The following ATP11A variants were observed in gnomAD, a reference collection of about 807,000 sequenced individuals.
ATP11A encodes phospholipid-transporting ATPase IH.
A neutral mutation model predicts 154.4 loss-of-function variants in ATP11A; 81 were observed. That is an observed-to-expected ratio of 0.52 (90% CI 0.44 to 0.63). The LOEUF is 0.63. Among genes scored for constraint, ATP11A ranks in the 30% least tolerant of loss-of-function variants. ATP11A has a pLI of 0.00. For synonymous variants in ATP11A, 623 were observed against 585.9 expected (o/e 1.06, Z -0.91); for missense variants, 1,316 against 1,474.3 (o/e 0.89, Z 1.76).
chr13:112,690,302 G>C lies in ATP11A; in HGVS notation c.-115G>C. On this transcript the variant is annotated 5_prime_UTR_variant, in exon 1 of 30. Transcript: ENST00000375645. The surrounding 1 kb of genome is among the most constrained non-coding windows in gnomAD (Gnocchi z 5.6). ...GGCCGCCCCCTGCACCGCCCGGCGCGCCGAGGCCGTGACCGGAGCGGGGGG... is the reference window on the plus strand; with the variant it reads ...GGCCGCCCCCTGCACCGCCCGGCGCCCCGAGGCCGTGACCGGAGCGGGGGG... 1.3e-6 allele frequency: 1 copy of C among 768,566 alleles called. No homozygotes were observed. The highest frequency in any genetic ancestry group is 6.0e-5 in the South Asian group (1 of 16,692). 47.6% of individuals were successfully genotyped at this position (768,566 alleles called of 1,614,324 possible).
intron 27 of ATP11A, among the ~76,000 whole-genome samples, chr13:112,874,897 G>A (rs1055509476): frequency 6.6e-6 from 1 of 152,290 alleles, no homozygotes; most frequent in Middle Eastern, 3.4e-3. Flanking sequence ...CAGCTCCTGG[G>A]CTTTGTAGCC....
chr13:112,719,363 T>C (rs769248867), intron 1 of ATP11A, among the ~76,000 whole-genome samples: 39 of 152,258 alleles, frequency 2.6e-4, no homozygotes, highest in Non-Finnish European at 5.0e-4. Context: ...TTCAATCTTC[T>C]GTTCATGACT....
chr13:112,738,691 G>A (rs1358320490), intron 1 of ATP11A, among the ~76,000 whole-genome samples: 2 of 152,014 alleles, frequency 1.3e-5, no homozygotes, highest in Non-Finnish European at 2.9e-5. Flanking sequence ...TTCTGCTGCC[G>A]GTATGCCCCC....
At chr13:112,732,495 T>C (rs1890591819) in intron 1 of ATP11A, among the ~76,000 whole-genome samples, 2 of 152,218 alleles carry the variant, frequency 1.3e-5, no homozygotes, top group Admixed American at 1.3e-4. Flanking sequence ...TCCAGCTCCA[T>C]CTCTCTCCAG....
chr13:112,833,080 A>T, intron 14 of ATP11A, 57 bp downstream of exon 14: 2 of 1,566,920 alleles, frequency 1.3e-6, no homozygotes, highest in Non-Finnish European at 1.7e-6. Flanking sequence ...GCCCCTCCCC[A>T]GCCCCAGTCA....
In ATP11A at chr13:112,883,910, ATTAT is replaced by A. The variant is rs1250257101; in HGVS notation, c.*2047_*2050del. On this transcript the variant is annotated 3_prime_UTR_variant, in exon 30 of 30. Coordinates refer to ENST00000375645, the MANE Select transcript of ATP11A (RefSeq NM_015205.3). Reference sequence around the variant, plus strand: ...GATTCTCTGTATGTTCAGTTAACAAATTATTTGTAATGTATTTTTTTAGAAATCT... The same window carrying A: ...GATTCTCTGTATGTTCAGTTAACAAATTGTAATGTATTTTTTTAGAAATCT... 1 of 152,638 alleles carries A rather than the reference ATTAT, an allele frequency of 6.6e-6. No homozygotes were observed. The highest frequency in any genetic ancestry group is 1.5e-5 in the Non-Finnish European group (1 of 68,050). The allele number at this position is 152,638 out of a possible 1,614,324, so 9.5% of individuals were successfully genotyped here.
chr13:112,744,578 T>C (rs375024331), intron 1 of ATP11A, among the ~76,000 whole-genome samples: 5 of 152,346 alleles, frequency 3.3e-5, no homozygotes, highest in Admixed American at 1.3e-4. Flanking sequence ...GGCCCTCTGC[T>C]CACCACCTGC....
In ATP11A at chr13:112,885,793, GCTCCCTGGCCCCCAGCCCATGC is replaced by G. The variant is rs2080970688; in HGVS notation, c.*3936_*3957del. On this transcript the variant is annotated 3_prime_UTR_variant, in exon 30 of 30. Coordinates refer to ENST00000375645, the MANE Select transcript of ATP11A (RefSeq NM_015205.3). ...CCTCTGGATGGGCATGGGAAGATGG[GCTCCCTGGCCCCCAGCCCATGC>G]CTCCCTGGGATGAAGAGTCCCCCTC... is the stretch of plus-strand genomic sequence containing the variant. 6.6e-6 allele frequency: 1 copy of G among 152,344 alleles called. No homozygotes were observed. The highest frequency in any genetic ancestry group is 2.4e-5 in the African/African-American group (1 of 41,476). 9.4% of individuals were successfully genotyped at this position (152,344 alleles called of 1,614,324 possible). A position where few individuals can be genotyped will look rare whatever the true frequency, so the allele number is the denominator to read the frequency against.
At chr13:112,805,091 A>G (rs1011919948) in intron 3 of ATP11A, 45 bp downstream of exon 3, 5 of 1,418,656 alleles carry the variant, frequency 3.5e-6, no homozygotes, top group Non-Finnish European at 4.9e-6. Flanking sequence ...ATAAATCTAA[A>G]TAAGTGACAT....
At chr13:112,770,159 T>A (rs748467) in intron 1 of ATP11A, among the ~76,000 whole-genome samples, 78,852 of 152,006 alleles carry the variant, frequency 0.52, 21,461 homozygotes, top group African/African-American at 0.69. Flanking sequence ...GAATTAGGCA[T>A]TCCAGAGTAG....
chr13:112,837,945 C>T (rs964352803), intron 16 of ATP11A, among the ~76,000 whole-genome samples: 16 of 152,056 alleles, frequency 1.1e-4, no homozygotes, highest in South Asian at 1.0e-3. Flanking sequence ...GGGGGGCTGC[C>T]GCCTGCCTTC....
chr13:112,732,652 CCCAGGCCGGAGTG>C (rs1214681893), intron 1 of ATP11A, among the ~76,000 whole-genome samples: 7 of 152,198 alleles, frequency 4.6e-5, no homozygotes, highest in Non-Finnish European at 1.0e-4. Flanking sequence ...CGCTTTGTTG[CCCAGGCCGGAGTG>C]GAGTGGTGCG....
chr13:112,691,839 C>T (rs906281010), intron 1 of ATP11A, among the ~76,000 whole-genome samples: 2 of 151,970 alleles, frequency 1.3e-5, no homozygotes, highest in African/African-American at 4.8e-5. Context: ...GTCAAGGAGA[C>T]TTGAGTGCAC....
chr13:112,828,139 TAGGGGGGAAAGCGCCCAGCAGCGTTGA>T (rs2078985404), intron 12 of ATP11A, among the ~76,000 whole-genome samples: 1 of 66,042 alleles, frequency 1.5e-5, no homozygotes, highest in South Asian at 5.8e-4. Flanking sequence ...CAGCGTTGAG[TAGGGGGGAAAGCGCCCAGCAGCGTTGA>T]GTGGGGGGAA....
chr13:112,830,783 A>G (rs1233041354), intron 12 of ATP11A, among the ~76,000 whole-genome samples: 1 of 152,148 alleles, frequency 6.6e-6, no homozygotes, highest in East Asian at 1.9e-4. Context: ...TTCACGATAA[A>G]CGTGTGACCC....
At chr13:112,724,095 C>T (rs957302023) in intron 1 of ATP11A, among the ~76,000 whole-genome samples, 4 of 147,268 alleles carry the variant, frequency 2.7e-5, no homozygotes, top group Non-Finnish European at 4.5e-5. Context: ...CAGCCCCTAT[C>T]GTCCCCATCG....
chr13:112,861,323 T>G (rs1433212455), intron 24 of ATP11A, among the ~76,000 whole-genome samples: 1 of 152,192 alleles, frequency 6.6e-6, no homozygotes, highest in Non-Finnish European at 1.5e-5. Flanking sequence ...TTTCAGATAA[T>G]TTTACATCCA....
chr13:112,768,838 C>T (rs1035319246), intron 1 of ATP11A, among the ~76,000 whole-genome samples: 1 of 152,286 alleles, frequency 6.6e-6, no homozygotes, highest in Middle Eastern at 3.4e-3. Flanking sequence ...GAGGCTTGAG[C>T]GTCTCTCCTG....
chr13:112,734,872 AT>A (rs1160408472), intron 1 of ATP11A, among the ~76,000 whole-genome samples: 3 of 152,096 alleles, frequency 2.0e-5, no homozygotes, highest in Non-Finnish European at 4.4e-5. Flanking sequence ...CCACGCCCCC[AT>A]TTCCAGCAGG....
Sources: allele counts gnomAD v4.1 joint callset (sites outside exome capture counted in the v4.1 genomes callset), GRCh38; gene constraint gnomAD v4.1.1; non-coding constraint Gnocchi (gnomAD v3.1); transcripts MANE v1.5; gene names NCBI Gene and HGNC (gene_info 2026-07-23, HGNC 2026-07-21).